The following BCL11A variants were observed in gnomAD, a reference collection of about 807,000 sequenced individuals.
The protein encoded by BCL11A is B cell CLL/lymphoma 11A.
In BCL11A, 2 loss-of-function variants were observed where a neutral mutation model predicts 55.9. That is an observed-to-expected ratio of 0.04 (90% CI 0.01 to 0.11). BCL11A has a LOEUF of 0.11. Among genes scored for constraint, BCL11A ranks in the 10% least tolerant of loss-of-function variants. The probability of loss-of-function intolerance (pLI) is 1.00; values close to 1 mark genes in which losing one functional copy is unlikely to be tolerated. For missense variants in BCL11A, 817 were observed against 1,137.1 expected (o/e 0.72, Z 4.05); for synonymous variants, 465 against 473.4 (o/e 0.98, Z 0.23).
intron 2 of BCL11A, chr2:60,508,763 C>A (rs760156190): frequency 6.6e-6 from 1 of 152,260 alleles, no homozygotes; most frequent in African/African-American, 2.4e-5. Context: ...GTCTCCTTGG[C>A]GACAGGGCTG....
intron 2 of BCL11A, among the ~76,000 whole-genome samples, chr2:60,538,720 T>C (rs972029274): frequency 2.9e-5 from 3 of 104,008 alleles, no homozygotes; most frequent in African/African-American, 1.4e-4. Flanking sequence ...AAACTGAATG[T>C]CTCTCTCTCT....
intron 2 of BCL11A, among the ~76,000 whole-genome samples, chr2:60,529,799 G>A (rs1197002689): frequency 6.6e-6 from 1 of 152,134 alleles, no homozygotes; most frequent in South Asian, 2.1e-4. Flanking sequence ...GTCTATGATG[G>A]GAAAAATATT....
chr2:60,455,988 C>T (rs1675917841), downstream of BCL11A, among the ~76,000 whole-genome samples: 1 of 152,286 alleles, frequency 6.6e-6, no homozygotes. Flanking sequence ...ACCCCACCTC[C>T]TATGTAATAT....
rs1676017430 is a variant in BCL11A, at chr2:60,457,863, G to A, written c.*2541C>T. 1 of 1,049,574 alleles carries A rather than the reference G, an allele frequency of 9.5e-7. No homozygotes were observed. The highest frequency in any genetic ancestry group is 4.4e-4 in the Middle Eastern group (1 of 2,298). 65.0% of individuals were successfully genotyped at this position (1,049,574 alleles called of 1,614,324 possible). On this transcript the variant is annotated 3_prime_UTR_variant, in exon 4 of 4. Coordinates refer to ENST00000642384, the MANE Select transcript of BCL11A (RefSeq NM_022893.4). ...AAAAAAGGATATGTACAACCCCTATGACAGCCATCCATGTGACATTCTAGC... is the reference window on the plus strand; with the variant it reads ...AAAAAAGGATATGTACAACCCCTATAACAGCCATCCATGTGACATTCTAGC...
At chr2:60,451,322 G>C in exon 5 of BCL11A, 1 of 227,950 alleles carries the variant, frequency 4.4e-6, no homozygotes, top group Non-Finnish European at 8.7e-6. Flanking sequence ...ACAGCACACA[G>C]GTGTCTGAGC....
exon 5 of BCL11A, chr2:60,451,853 A>C (rs1675735387): frequency 8.7e-6 from 2 of 228,856 alleles, no homozygotes; most frequent in South Asian, 3.6e-4. Flanking sequence ...AATGGTATGC[A>C]AATTATAAGT....
At chr2:60,550,208 G>A (rs1014715070) in intron 1 of BCL11A, among the ~76,000 whole-genome samples, 1 of 152,178 alleles carries the variant, frequency 6.6e-6, no homozygotes, top group Non-Finnish European at 1.5e-5. Context: ...TGCCGGCCCC[G>A]AAAGAAAGCG....
rs1245908011 is a variant in BCL11A, at chr2:60,553,302, G to C, written c.-32C>G. ...CTGCGGGGCGGGCGGCGGCGGCGGC[G>C]GCGGCGGCGGCGGGCGGACGACGGC... On this transcript the variant is annotated 5_prime_UTR_variant, in exon 1 of 4. Coordinates refer to ENST00000642384, the MANE Select transcript of BCL11A (RefSeq NM_022893.4). 7.1e-6 allele frequency: 11 copies of C among 1,539,722 alleles called. No homozygotes were observed. Among genetic ancestry groups the C allele is most frequent in the Non-Finnish European group, 9.6e-6 (11 of 1,151,576 alleles).
intron 3 of BCL11A, among the ~76,000 whole-genome samples, chr2:60,465,036 G>GGA (rs1310402049): frequency 6.6e-6 from 1 of 152,174 alleles, no homozygotes; most frequent in African/African-American, 2.4e-5. Context: ...AAGATTACAT[G>GGA]GAGAGAGCTG....
At chr2:60,501,758 G>A (rs533289252) in intron 2 of BCL11A, among the ~76,000 whole-genome samples, 11 of 151,986 alleles carry the variant, frequency 7.2e-5, no homozygotes, top group South Asian at 6.2e-4. Flanking sequence ...TACCCACCTC[G>A]GCCTCCCAAA....
At chr2:60,547,314 G>A (rs1250239574) in intron 1 of BCL11A, among the ~76,000 whole-genome samples, 3 of 152,018 alleles carry the variant, frequency 2.0e-5, no homozygotes, top group Admixed American at 2.0e-4. Flanking sequence ...TTCATTATGA[G>A]ACTATTTCTG....
Position 60,553,316 on chromosome 2 carries a change from G to A in BCL11A, c.-46C>T. 3 of 1,488,356 alleles carry A rather than the reference G, an allele frequency of 2.0e-6. No homozygotes were observed. Among genetic ancestry groups the A allele is most frequent in the South Asian group, 1.2e-5 (1 of 80,076 alleles). The allele number at this position is 1,488,356 out of a possible 1,614,324, so 92.2% of individuals were successfully genotyped here. On this transcript the variant is annotated 5_prime_UTR_variant, in exon 1 of 4. Transcript: ENST00000642384. Reference sequence around the variant, plus strand: ...GCGGCGGCGGCGGCGGCGGCGGCGGGCGGACGACGGCTCGGTTCACATCGG... The same window carrying A: ...GCGGCGGCGGCGGCGGCGGCGGCGGACGGACGACGGCTCGGTTCACATCGG...
At chr2:60,462,538 CCTAA>C in intron 3 of BCL11A, 114 bp from the exon 4 acceptor site, 1 of 1,463,094 alleles carries the variant, frequency 6.8e-7, no homozygotes, top group Admixed American at 2.6e-5. Flanking sequence ...AACCCCAAGG[CCTAA>C]GCCCTCACTG....
Position 60,546,265 on chromosome 2 carries a change from G to C in BCL11A, c.91C>G (p.Pro31Ala), listed in dbSNP as rs1483919423. The C allele has an allele frequency of 2.4e-5, 38 of 1,614,042 alleles. No homozygotes were observed. The highest frequency in any genetic ancestry group is 3.1e-5 in the Non-Finnish European group (36 of 1,180,026). Residue 31 changes from proline (P) to alanine (A), a missense_variant, in exon 2 of 4, where the codon CCA (proline) becomes GCA (alanine). Physicochemically the swap from Pro to Ala is conservative, Grantham distance 27. Coordinates refer to ENST00000642384, the MANE Select transcript of BCL11A (RefSeq NM_022893.4). This position sits in a 1 kb window ranked among gnomAD's most constrained non-coding sequence, Gnocchi z 4.1. ...GGAGCTCCCAACGGGCCGTGGTCTGGTTCATCATCTGTAAGAATGGCTTCA... is the reference window on the plus strand; with the variant it reads ...GGAGCTCCCAACGGGCCGTGGTCTGCTTCATCATCTGTAAGAATGGCTTCA... The part of the protein sequence containing the change: ...PLEAILTDDE[P>A]DHGPLGAPEG...
chr2:60,546,648 G>A lies in BCL11A; in HGVS notation c.56-348C>T, dbSNP rs1206523212. 6.6e-6 allele frequency among the ~76,000 whole-genome samples: 1 copy of A among 152,014 alleles called. No individual in the cohort carries two copies. Among genetic ancestry groups the A allele is most frequent in the Non-Finnish European group, 1.5e-5 (1 of 68,012 alleles). Reference sequence around the variant, plus strand: ...GAATGCTACTTAAATAGTTAACACAGGGAACATAAAGAAAGCTTAAATAAT... The same window carrying A: ...GAATGCTACTTAAATAGTTAACACAAGGAACATAAAGAAAGCTTAAATAAT... On this transcript the variant is annotated intron_variant, in intron 1 of 3. Coordinates refer to ENST00000642384, the MANE Select transcript of BCL11A (RefSeq NM_022893.4). The surrounding 1 kb of genome is among the most constrained non-coding windows in gnomAD (Gnocchi z 4.1).
At chr2:60,494,878 G>A (rs1194734279) in intron 2 of BCL11A, among the ~76,000 whole-genome samples, 2 of 152,162 alleles carry the variant, frequency 1.3e-5, no homozygotes, top group Non-Finnish European at 2.9e-5. Context: ...AAAGGGAAAA[G>A]GGAGAGGAAA....
intron 2 of BCL11A, among the ~76,000 whole-genome samples, chr2:60,469,595 C>A (rs1184157709): frequency 6.6e-6 from 1 of 152,208 alleles, no homozygotes; most frequent in Non-Finnish European, 1.5e-5. Context: ...AAACCCTGAC[C>A]CATCTTCACC....
chr2:60,503,594 C>G (rs1679414893), intron 2 of BCL11A, among the ~76,000 whole-genome samples: 1 of 152,204 alleles, frequency 6.6e-6, no homozygotes, highest in African/African-American at 2.4e-5. Flanking sequence ...ACCAGTGGCT[C>G]TTTCAGGCTT....
chr2:60,545,633 C>T (rs45572149), intron 2 of BCL11A: 312 of 236,684 alleles, frequency 1.3e-3, no homozygotes, highest in Admixed American at 4.5e-3. Flanking sequence ...TGGAAATGGA[C>T]AATGGAAGCT....
Sources: gnomAD v4.1 joint callset for allele counts (sites outside exome capture counted in the v4.1 genomes callset) on GRCh38, gnomAD v4.1.1 for gene constraint, Gnocchi (gnomAD v3.1) non-coding constraint, MANE v1.5 for transcripts, NCBI Gene and HGNC (gene_info 2026-07-23, HGNC 2026-07-21) for gene names.